CADPS: variants seen among roughly 807,000 people sequenced by gnomAD.
The protein encoded by CADPS is calcium dependent secretion activator.
A neutral mutation model predicts 167.3 loss-of-function variants in CADPS; 57 were observed. The ratio of observed to expected loss-of-function variants is 0.34; its 90% CI spans 0.28 to 0.42. The LOEUF is 0.42. Among genes scored for constraint, CADPS ranks in the 20% least tolerant of loss-of-function variants. The pLI is 1.00. For missense variants in CADPS, 1,414 were observed against 1,738.1 expected (o/e 0.81, Z 3.32); for synonymous variants, 676 against 635.3 (o/e 1.06, Z -0.96).
Position 62,650,980 on chromosome 3 carries a change from A to G in CADPS, c.1070T>C (p.Met357Thr). The G allele has an allele frequency of 6.2e-7, 1 of 1,614,082 alleles. No homozygotes were observed. The highest frequency in any genetic ancestry group is 1.1e-5 in the South Asian group (1 of 91,078). The part of the protein sequence containing the change: ...VNLLMANLES[M>T]PVSKGGEFKL... ...GAACTCCCCGCCTTTGGATACCGGC[A>G]TGCTCTCCAAGTTGGCCATGAGCAG... The change falls in exon 5 of 30, where the codon ATG (methionine) becomes ACG (threonine). Residue 357 changes from methionine to threonine, a missense_variant. By Grantham distance (81) the Met-to-Thr change is moderately conservative. Coordinates refer to ENST00000383710, the MANE Select transcript of CADPS (RefSeq NM_003716.4).
chr3:62,858,504 T>C (rs1200605391), intron 1 of CADPS, among the ~76,000 whole-genome samples: 2 of 152,178 alleles, frequency 1.3e-5, no homozygotes, highest in African/African-American at 4.8e-5. Flanking sequence ...AACTCAGCTG[T>C]ATCTACTTCT....
intron 1 of CADPS, among the ~76,000 whole-genome samples, chr3:62,804,607 A>AT (rs34339325): frequency 0.045 from 6,849 of 152,014 alleles, 220 homozygotes; most frequent in Non-Finnish European, 0.071. Flanking sequence ...CAGTAACAAC[A>AT]TGTTTCAATA....
At chr3:62,872,669 T>A (rs1239312485) in intron 1 of CADPS, among the ~76,000 whole-genome samples, 1 of 152,090 alleles carries the variant, frequency 6.6e-6, no homozygotes, top group Non-Finnish European at 1.5e-5. Flanking sequence ...TCTGGCCTTA[T>A]AATAATCTCT....
Position 62,874,748 on chromosome 3 carries a change from C to CGGGCTG in CADPS, c.276_281dup (p.Pro94_Ser95dup). Reference sequence around the variant, plus strand: ...CCTTCTCCTTCTCGCTCACCACCGACGGGCTGGGGCTGGAGGGCCGGCCGC... The same window carrying CGGGCTG: ...CCTTCTCCTTCTCGCTCACCACCGACGGGCTGGGGCTGGGGCTGGAGGGCCGGCCGC... On this transcript the variant is annotated inframe_insertion, in exon 1 of 30. Coordinates refer to ENST00000383710, the MANE Select transcript of CADPS (RefSeq NM_003716.4). This position sits in a 1 kb window ranked among gnomAD's most constrained non-coding sequence, Gnocchi z 7.1. 2 of 1,503,668 alleles carry CGGGCTG rather than the reference C, an allele frequency of 1.3e-6. No individual in the cohort carries two copies. The highest frequency in any genetic ancestry group is 5.0e-5 in the East Asian group (2 of 39,922). The allele number at this position is 1,503,668 out of a possible 1,614,324, so 93.1% of individuals were successfully genotyped here. A position where few individuals can be genotyped will look rare whatever the true frequency, so the allele number is the denominator to read the frequency against.
intron 13 of CADPS, among the ~76,000 whole-genome samples, chr3:62,519,324 T>C (rs567316058): frequency 6.6e-6 from 1 of 152,328 alleles, no homozygotes; most frequent in East Asian, 1.9e-4. Context: ...CCAGCATAAG[T>C]TGGGAAAATC....
chr3:62,517,716 A>G (rs2069345867), intron 14 of CADPS, among the ~76,000 whole-genome samples: 1 of 152,102 alleles, frequency 6.6e-6, no homozygotes, highest in Admixed American at 6.6e-5. Context: ...AGGCTGATGC[A>G]AGGTTCATTC....
At chr3:62,811,222 C>A (rs563471172) in intron 1 of CADPS, among the ~76,000 whole-genome samples, 1 of 152,098 alleles carries the variant, frequency 6.6e-6, no homozygotes, top group Non-Finnish European at 1.5e-5. Flanking sequence ...AGTAGCCTAA[C>A]ATTTTTACTT....
At chr3:62,575,479 G>T (rs1300016078) in intron 8 of CADPS, among the ~76,000 whole-genome samples, 3 of 152,176 alleles carry the variant, frequency 2.0e-5, no homozygotes, top group Non-Finnish European at 4.4e-5. Flanking sequence ...TACCTCAAGG[G>T]TTGTGAGGAT....
In CADPS at chr3:62,516,650, A is replaced by C. The variant is rs778536940; in HGVS notation, c.2394-7T>G. On this transcript the variant is annotated splice_region_variant and splice_polypyrimidine_tract_variant and intron_variant, in intron 14 of 29. Transcript: ENST00000383710. ...ACCAAATGGAAAGCAATACCTAAAA[A>C]AGACAAAATTCTTCAGGTTGCCTAA... 2 of 1,595,946 alleles carry C rather than the reference A, an allele frequency of 1.3e-6. No individual in the cohort carries two copies. The highest frequency in any genetic ancestry group is 1.7e-6 in the Non-Finnish European group (2 of 1,168,560).
At chr3:62,404,892 AT>A (rs1255923525) in intron 28 of CADPS, 2 of 149,122 alleles carry the variant, frequency 1.3e-5, no homozygotes, top group Non-Finnish European at 3.0e-5. Context: ...GGGTGAGAAC[AT>A]TTTACTGAAA....
Position 62,557,393 on chromosome 3 carries a change from G to A in CADPS, c.1753+12C>T. On this transcript the variant is annotated intron_variant, in intron 10 of 29. Transcript: ENST00000383710. ...GGTTTGTGGGCTCGTGGCCTTGAGG[G>A]TCGGTGGGTACCTGGCTGGGGGTCG... 6.3e-7 allele frequency: 1 copy of A among 1,594,428 alleles called. No individual in the cohort carries two copies. Among genetic ancestry groups the A allele is most frequent in the South Asian group, 1.1e-5 (1 of 90,770 alleles).
intron 28 of CADPS, among the ~76,000 whole-genome samples, chr3:62,405,142 G>A (rs867124898): frequency 9.3e-5 from 14 of 150,398 alleles, no homozygotes; most frequent in Middle Eastern, 3.4e-3. Flanking sequence ...AATCTGGGGG[G>A]GGGGGGGGCT....
chr3:62,785,724 A>C (rs1226600390), intron 1 of CADPS, among the ~76,000 whole-genome samples: 1 of 152,158 alleles, frequency 6.6e-6, no homozygotes, highest in Non-Finnish European at 1.5e-5. Flanking sequence ...AGTTCTTCAA[A>C]TCTCTCAAGA....
At chr3:62,849,340 TC>T (rs2078094632) in intron 1 of CADPS, among the ~76,000 whole-genome samples, 1 of 142,234 alleles carries the variant, frequency 7.0e-6, no homozygotes, top group Admixed American at 7.1e-5. Context: ...AGAGAGGGCA[TC>T]CCTGTCTTGT....
chr3:62,777,483 G>A (rs1233043783), intron 1 of CADPS, among the ~76,000 whole-genome samples: 1 of 152,162 alleles, frequency 6.6e-6, no homozygotes, highest in Non-Finnish European at 1.5e-5. Flanking sequence ...AAGAGTGAAG[G>A]TGATCTGAAA....
chr3:62,873,796 A>C (rs2153225736), intron 1 of CADPS, among the ~76,000 whole-genome samples: 1 of 152,054 alleles, frequency 6.6e-6, no homozygotes, highest in South Asian at 2.1e-4. Flanking sequence ...CGGCGAAGTC[A>C]CCTTGGGAAG....
At chr3:62,528,796 T>C (rs921747660) in intron 13 of CADPS, among the ~76,000 whole-genome samples, 3 of 152,218 alleles carry the variant, frequency 2.0e-5, no homozygotes, top group Non-Finnish European at 2.9e-5. Flanking sequence ...AATTTACAGA[T>C]GTTTGACTTT....
chr3:62,492,696 A>G (rs2063952853), intron 19 of CADPS, among the ~76,000 whole-genome samples: 1 of 152,236 alleles, frequency 6.6e-6, no homozygotes, highest in Admixed American at 6.5e-5. Context: ...ATGCTGCAGT[A>G]GAAATGACAG....
At position 62,860,473 on chromosome 3, in the gene CADPS, C is replaced by T. The variant is rs558756846; in HGVS notation, c.441+14116G>A. Among the ~76,000 whole-genome samples the T allele has an allele frequency of 9.2e-5, 14 of 152,250 alleles. No homozygotes were observed. In the South Asian group the frequency reaches 2.7e-3, roughly 29 times the overall value. ...TAAAATCTCCAAATCTGCATATGCT[C>T]AAGTCTCACCGTTGGCCCTGTGGAA... On this transcript the variant is annotated intron_variant, in intron 1 of 29. Coordinates refer to ENST00000383710, the MANE Select transcript of CADPS (RefSeq NM_003716.4).
Sources: allele counts gnomAD v4.1 joint callset (sites outside exome capture counted in the v4.1 genomes callset), GRCh38; gene constraint gnomAD v4.1.1; non-coding constraint Gnocchi (gnomAD v3.1); transcripts MANE v1.5; gene names NCBI Gene and HGNC (gene_info 2026-07-23, HGNC 2026-07-21).